NALCN: variants seen among roughly 807,000 people sequenced by gnomAD.
NALCN encodes the protein sodium leak channel NALCN.
A neutral mutation model predicts 225.3 loss-of-function variants in NALCN; 111 were observed. That is an observed-to-expected ratio of 0.49 (90% CI 0.42 to 0.58). NALCN has a LOEUF of 0.58. Among genes scored for constraint, NALCN ranks in the 20% least tolerant of loss-of-function variants. NALCN has a pLI of 0.00. For synonymous variants in NALCN, 764 were observed against 769.0 expected, an observed-to-expected ratio of 0.99 and a Z score of 0.11; for missense variants, 1,378 against 2,202.4, an observed-to-expected ratio of 0.63 and a Z score of 7.49.
At chr13:101,185,642 G>A (rs962605975) in intron 14 of NALCN, among the ~76,000 whole-genome samples, 11 of 152,236 alleles carry the variant, frequency 7.2e-5, no homozygotes, top group Non-Finnish European at 1.0e-4. Flanking sequence ...AATACATGGA[G>A]GTTATGAATA....
At chr13:101,337,249 A>G (rs80294946) in intron 7 of NALCN, among the ~76,000 whole-genome samples, 4,806 of 152,078 alleles carry the variant, frequency 0.032, 262 homozygotes, top group African/African-American at 0.11. Context: ...TTTGCAGTGG[A>G]CGTCACATTC....
At chr13:101,382,351 C>A (rs1285122628) in intron 3 of NALCN, among the ~76,000 whole-genome samples, 1 of 151,944 alleles carries the variant, frequency 6.6e-6, no homozygotes, top group Admixed American at 6.6e-5. Flanking sequence ...GAGAGACATG[C>A]TTTTCACAAT....
intron 6 of NALCN, among the ~76,000 whole-genome samples, chr13:101,359,042 G>C (rs528253000): frequency 2.0e-5 from 3 of 152,204 alleles, no homozygotes; most frequent in African/African-American, 7.2e-5. Context: ...TGAGGGGCAG[G>C]GGGAGGGAGA....
At chr13:101,058,326 A>C (rs2031517247) in intron 42 of NALCN, 1 of 350,422 alleles carries the variant, frequency 2.9e-6, no homozygotes, top group Non-Finnish European at 5.1e-6. Context: ...CATGCCTGAG[A>C]ATGTCATTGT....
At chr13:101,314,562 T>C (rs1273511515) in intron 7 of NALCN, among the ~76,000 whole-genome samples, 7 of 152,190 alleles carry the variant, frequency 4.6e-5, no homozygotes, top group Non-Finnish European at 8.8e-5. Context: ...TACAATCATA[T>C]TTGGGGACTA....
intron 41 of NALCN, among the ~76,000 whole-genome samples, chr13:101,060,221 C>T (rs977504699): frequency 7.0e-6 from 1 of 142,956 alleles, no homozygotes; most frequent in Non-Finnish European, 1.5e-5. Context: ...TAGTGACGGT[C>T]ATTGATGCTT....
At chr13:101,162,913 TA>T (rs1253869409) in intron 15 of NALCN, among the ~76,000 whole-genome samples, 2 of 152,194 alleles carry the variant, frequency 1.3e-5, no homozygotes, top group African/African-American at 2.4e-5. Flanking sequence ...TTATTTTATT[TA>T]TTTTTTTGAG....
chr13:101,111,864 G>A (rs148163631), intron 18 of NALCN, among the ~76,000 whole-genome samples: 2,010 of 152,248 alleles, frequency 0.013, 22 homozygotes, highest in Non-Finnish European at 0.018. Flanking sequence ...CCAGTCTCAG[G>A]TATGTCTTTA....
chr13:101,176,779 A>G (rs1236778326), intron 14 of NALCN, among the ~76,000 whole-genome samples: 1 of 152,200 alleles, frequency 6.6e-6, no homozygotes, highest in Non-Finnish European at 1.5e-5. Context: ...CTTTGCATGA[A>G]TAGTCAATAC....
chr13:101,119,621 A>G (rs566190860), intron 18 of NALCN, among the ~76,000 whole-genome samples: 3 of 152,342 alleles, frequency 2.0e-5, no homozygotes, highest in African/African-American at 4.8e-5. Flanking sequence ...GCTTTGAATT[A>G]GAGGAAATCT....
chr13:101,410,825 A>G (rs1299206706), intron 1 of NALCN, among the ~76,000 whole-genome samples: 1 of 152,236 alleles, frequency 6.6e-6, no homozygotes, highest in Non-Finnish European at 1.5e-5. Flanking sequence ...ATACAATAGC[A>G]CAATCACCCA....
At chr13:101,175,355 TA>T (rs1035731399) in intron 15 of NALCN, among the ~76,000 whole-genome samples, 29 of 151,730 alleles carry the variant, frequency 1.9e-4, no homozygotes, top group South Asian at 1.7e-3. Flanking sequence ...TGAGATAGAT[TA>T]AAAAAAATTA....
At chr13:101,304,906 C>A (rs1488176126) in intron 7 of NALCN, among the ~76,000 whole-genome samples, 3 of 151,928 alleles carry the variant, frequency 2.0e-5, no homozygotes, top group Admixed American at 1.3e-4. Context: ...CAGGTCCCTG[C>A]CACCACGCCC....
At chr13:101,196,049 T>C (rs1030306073) in intron 13 of NALCN, among the ~76,000 whole-genome samples, 1 of 152,106 alleles carries the variant, frequency 6.6e-6, no homozygotes, top group African/African-American at 2.4e-5. Flanking sequence ...AAATTATACT[T>C]CCCCCTCCAA....
In NALCN at chr13:101,184,728, C is replaced by T. The variant is rs987507022; in HGVS notation, c.1764+7189G>A. The stretch of plus-strand genomic sequence containing the variant: ...AGCTGAAAAGTATGATTTATTTTTG[C>T]AAGAGGGCAGCCTTGTCATTCACAA... On this transcript the variant is annotated intron_variant, in intron 14 of 43. Coordinates refer to ENST00000251127, the MANE Select transcript of NALCN (RefSeq NM_052867.4). 2.6e-5 allele frequency among the ~76,000 whole-genome samples: 4 copies of T among 152,248 alleles called. No individual in the cohort carries two copies. The South Asian group carries it at 8.3e-4, about 32-fold the overall frequency.
intron 43 of NALCN, 191 bp downstream of exon 43, chr13:101,057,748 T>A (rs1322543854): frequency 1.5e-5 from 9 of 606,982 alleles, no homozygotes; most frequent in Non-Finnish European, 2.4e-5. Flanking sequence ...TGGGGGCTAA[T>A]GTAAGTCATA....
intron 10 of NALCN, among the ~76,000 whole-genome samples, chr13:101,276,048 G>T (rs2042960379): frequency 8.2e-6 from 1 of 122,172 alleles, no homozygotes; most frequent in Non-Finnish European, 1.6e-5. Context: ...TGATGACAGA[G>T]CGAGACTCCT....
At chr13:101,262,129 G>A (rs2042449463) in intron 10 of NALCN, among the ~76,000 whole-genome samples, 1 of 152,174 alleles carries the variant, frequency 6.6e-6, no homozygotes, top group Non-Finnish European at 1.5e-5. Context: ...CCTTCATTCT[G>A]TTGATAGGAT....
At chr13:101,273,974 A>AAATTTACATTAC (rs1211292080) in intron 10 of NALCN, among the ~76,000 whole-genome samples, 7 of 152,092 alleles carry the variant, frequency 4.6e-5, no homozygotes, top group Admixed American at 1.3e-4. Flanking sequence ...AGGGAGATGC[A>AAATTTACATTAC]AATTTACATT....
Sources: allele counts gnomAD v4.1 joint callset (sites outside exome capture counted in the v4.1 genomes callset), GRCh38; gene constraint gnomAD v4.1.1; transcripts MANE v1.5; gene names NCBI Gene and HGNC (gene_info 2026-07-23, HGNC 2026-07-21).